The following TXNDC11 variants were observed in gnomAD, a reference collection of about 807,000 sequenced individuals.
The protein encoded by TXNDC11 is thioredoxin domain-containing protein 11.
Under a neutral mutation model 78.0 loss-of-function variants are expected in TXNDC11, and 68 were observed. The observed-to-expected ratio is 0.87, with a 90% CI of 0.72 to 1.07. The LOEUF is 1.07. Ranked by LOEUF, TXNDC11 falls within the 50% of genes least tolerant of loss-of-function variation. The pLI, the probability that TXNDC11 is intolerant of heterozygous loss-of-function variation, is 0.00. For synonymous variants in TXNDC11, 571 were observed against 495.2 expected (o/e 1.15, Z -2.03); for missense variants, 1,389 against 1,221.8 (o/e 1.14, Z -2.04).
intron 8 of TXNDC11, 148 bp from the exon 9 acceptor site, chr16:11,688,593 G>A (rs2050628599): frequency 1.5e-6 from 1 of 647,670 alleles, no homozygotes; most frequent in Admixed American, 3.1e-5. Context: ...CCCAAACAAA[G>A]CTGCCCGGGT....
chr16:11,681,603 C>T (rs934368812), intron 11 of TXNDC11, among the ~76,000 whole-genome samples: 2 of 152,162 alleles, frequency 1.3e-5, no homozygotes, highest in Admixed American at 6.5e-5. Flanking sequence ...CAGGGCACAC[C>T]TCTAAAAAAC....
At chr16:11,720,741 T>G (rs1006028969) in intron 5 of TXNDC11, among the ~76,000 whole-genome samples, 2 of 143,386 alleles carry the variant, frequency 1.4e-5, no homozygotes, top group African/African-American at 2.6e-5. Flanking sequence ...ATATATATGG[T>G]TTTTTTTTTT....
chr16:11,697,268 T>G lies in TXNDC11; in HGVS notation c.1107+857A>C, dbSNP rs542784873. On this transcript the variant is annotated intron_variant, in intron 7 of 11. Coordinates refer to ENST00000283033, the MANE Select transcript of TXNDC11 (RefSeq NM_015914.7). Reference sequence around the variant, plus strand: ...ACCTGGGCGAGAAGTCCTGCCTCCCTGTCCCTCCAGGCAGGAGGCCAGGCC... The same window carrying G: ...ACCTGGGCGAGAAGTCCTGCCTCCCGGTCCCTCCAGGCAGGAGGCCAGGCC... Among the ~76,000 whole-genome samples the G allele has an allele frequency of 4.3e-4, 66 of 152,320 alleles. 1 individual carries two copies. Among genetic ancestry groups the G allele is most frequent in the African/African-American group, 1.5e-3 (64 of 41,586 alleles).
intron 5 of TXNDC11, among the ~76,000 whole-genome samples, chr16:11,714,927 T>C (rs755917674): frequency 2.7e-4 from 41 of 151,986 alleles, no homozygotes; most frequent in Admixed American, 1.0e-3. Context: ...CCAAAGGTGG[T>C]AGAAGGGAGT....
chr16:11,708,050 C>G (rs933827675), intron 5 of TXNDC11, among the ~76,000 whole-genome samples: 7 of 152,054 alleles, frequency 4.6e-5, no homozygotes, highest in Non-Finnish European at 1.0e-4. Context: ...CACCACTGCA[C>G]TCCAGCCTGG....
chr16:11,714,608 C>G (rs1425910459), intron 5 of TXNDC11, among the ~76,000 whole-genome samples: 2 of 151,558 alleles, frequency 1.3e-5, no homozygotes, highest in Non-Finnish European at 2.9e-5. Context: ...CGGCTGCACT[C>G]CAGCCTGGGC....
At chr16:11,720,606 G>A (rs1465271829) in intron 5 of TXNDC11, among the ~76,000 whole-genome samples, 3 of 151,904 alleles carry the variant, frequency 2.0e-5, no homozygotes, top group South Asian at 2.1e-4. Flanking sequence ...TAGTAGAGAC[G>A]GGGTTTCGTC....
Position 11,734,030 on chromosome 16 carries a change from T to G in TXNDC11, c.521A>C (p.Lys174Thr). Residue 174 changes from lysine to threonine, a missense_variant, in exon 3 of 12, where the codon AAA becomes ACA. Transcript: ENST00000283033. ...AGGAAAATAAAAGAAGTGTTTCTGT[T>G]TTCTGCATTTCCCCTGGTTCCACCA... The part of the protein sequence containing the change: ...NCWWNQGKCR[K>T]QKHFFYFPVI... The G allele has an allele frequency of 6.2e-7, 1 of 1,605,608 alleles. No homozygotes were observed. Among genetic ancestry groups the G allele is most frequent in the Non-Finnish European group, 8.5e-7 (1 of 1,178,332 alleles).
rs749556398 is a variant in TXNDC11, at chr16:11,679,856, G to A, written c.2235-19C>T. On this transcript the variant is annotated intron_variant, in intron 11 of 11. Transcript: ENST00000283033. This position sits in a 1 kb window ranked among gnomAD's most constrained non-coding sequence, Gnocchi z 4.6. Reference sequence around the variant, plus strand: ...GTCCTTTCTGGAGAGAGAGGGAAAGGAAGCAAAGACAGGAGTCACACCAAC... The same window carrying A: ...GTCCTTTCTGGAGAGAGAGGGAAAGAAAGCAAAGACAGGAGTCACACCAAC... 6.3e-7 allele frequency: 1 copy of A among 1,594,510 alleles called. No individual in the cohort carries two copies. The highest frequency in any genetic ancestry group is 8.6e-7 in the Non-Finnish European group (1 of 1,167,412).
chr16:11,742,355 C>A lies in TXNDC11; in HGVS notation c.254+122G>T, dbSNP rs1453076208. ...GCCGCAGGTTCCGGGAGGGGTCAGC[C>A]GTCCTGGGCAAGGTCAGGCCCGACT... is the stretch of plus-strand genomic sequence containing the variant. On this transcript the variant is annotated intron_variant, in intron 1 of 11. Coordinates refer to ENST00000283033, the MANE Select transcript of TXNDC11 (RefSeq NM_015914.7). 1.5e-5 allele frequency: 11 copies of A among 755,564 alleles called. No individual in the cohort carries two copies. In the East Asian group the frequency reaches 3.8e-4, roughly 26 times the overall value. The allele number at this position is 755,564 out of a possible 1,614,324, so 46.8% of individuals were successfully genotyped here.
chr16:11,716,724 T>C (rs1356839554), intron 5 of TXNDC11, among the ~76,000 whole-genome samples: 1 of 152,202 alleles, frequency 6.6e-6, no homozygotes, highest in Non-Finnish European at 1.5e-5. Context: ...TTTAACATAA[T>C]TTCAACAAAA....
chr16:11,742,013 C>G (rs970821753), intron 1 of TXNDC11: 2 of 154,832 alleles, frequency 1.3e-5, no homozygotes, highest in African/African-American at 4.8e-5. Context: ...GCCTGGGACA[C>G]AATGCGTGAC....
chr16:11,679,518 G>A lies in TXNDC11; in HGVS notation c.2554C>T (p.Leu852Phe). The A allele has an allele frequency of 6.2e-6, 10 of 1,613,348 alleles. No homozygotes were observed. Among genetic ancestry groups the A allele is most frequent in the Non-Finnish European group, 8.5e-6 (10 of 1,180,030 alleles). The change falls in exon 12 of 12, where the codon CTC (leucine) becomes TTC (phenylalanine). Residue 852 changes from leucine (L) to phenylalanine (F), a missense_variant. By Grantham distance (22) the Leu-to-Phe change is conservative. Coordinates refer to ENST00000283033, the MANE Select transcript of TXNDC11 (RefSeq NM_015914.7). The surrounding 1 kb of genome is among the most constrained non-coding windows in gnomAD (Gnocchi z 4.6). Reference protein sequence around the residue: ...QRALEEQHSLLHAHSEQLQAL... With the variant: ...QRALEEQHSLFHAHSEQLQAL... Reference sequence around the variant, plus strand: ...TGCAGCTGCTCACTGTGTGCGTGGAGCAGGCTGTGCTGCTCTTCCAGGGCC... The same window carrying A: ...TGCAGCTGCTCACTGTGTGCGTGGAACAGGCTGTGCTGCTCTTCCAGGGCC...
At chr16:11,682,557 T>G (rs1223546095) in intron 11 of TXNDC11, among the ~76,000 whole-genome samples, 1 of 152,212 alleles carries the variant, frequency 6.6e-6, no homozygotes, top group African/African-American at 2.4e-5. Context: ...GATGCATTTC[T>G]GCCAGCTGCT....
chr16:11,679,404 C>T lies in TXNDC11; in HGVS notation c.2668G>A (p.Glu890Lys), dbSNP rs1178197263. ...LADASENLLT[E>K]NTWLKILVAT... ...ACCAGGATCTTGAGCCACGTGTTCT[C>T]GGTAAGGAGGTTTTCTGAGGCATCG... Residue 890 changes from glutamate to lysine, a missense_variant, in exon 12 of 12, where the codon GAG becomes AAG. By Grantham distance (56) the Glu-to-Lys change is moderately conservative. Transcript: ENST00000283033. The surrounding 1 kb of genome is among the most constrained non-coding windows in gnomAD (Gnocchi z 4.6). The T allele has an allele frequency of 3.7e-6, 6 of 1,612,716 alleles. No individual in the cohort carries two copies. The highest frequency in any genetic ancestry group is 1.7e-5 in the Admixed American group (1 of 59,756).
rs2051708209 is a variant in TXNDC11, at chr16:11,721,572, T to C, written c.793+5A>G. On this transcript the variant is annotated splice_donor_5th_base_variant and intron_variant, in intron 5 of 11. Coordinates refer to ENST00000283033, the MANE Select transcript of TXNDC11 (RefSeq NM_015914.7). ...AACAATGTCTTAATATGAATCATTT[T>C]TTACCTTTCTTTAATGAATGTAATG... 6 of 1,568,624 alleles carry C rather than the reference T, an allele frequency of 3.8e-6. No homozygotes were observed. The highest frequency in any genetic ancestry group is 5.3e-6 in the Non-Finnish European group (6 of 1,141,456).
rs944846354 is a variant in TXNDC11, at chr16:11,696,823, C to T, written c.1107+1302G>A. 6.0e-4 allele frequency among the ~76,000 whole-genome samples: 92 copies of T among 152,246 alleles called. 1 individual carries two copies. The highest frequency in any genetic ancestry group is 2.0e-3 in the African/African-American group (85 of 41,548). On this transcript the variant is annotated intron_variant, in intron 7 of 11. Transcript: ENST00000283033. ...AGTCTTCCCACCAGGTGCCTAAATC[C>T]AACCACAACCCTCTGGGCAGAGGCT...
Position 11,691,623 on chromosome 16 carries a change from CAG to C in TXNDC11, c.1565_1566del (p.Ser522Ter), listed in dbSNP as rs2050717442. 6.2e-7 allele frequency: 1 copy of C among 1,614,072 alleles called. No individual in the cohort carries two copies. Among genetic ancestry groups the C allele is most frequent in the Admixed American group, 1.7e-5 (1 of 60,010 alleles). On this transcript the variant is annotated frameshift_variant, in exon 8 of 12. Coordinates refer to ENST00000283033, the MANE Select transcript of TXNDC11 (RefSeq NM_015914.7). LOFTEE classifies it high-confidence loss of function. ...ISRGVSGFIDSEQGVFEAPTV... is the reference protein window; with the variant it reads ...ISRGVSGFIDXEQGVFEAPTV... The stretch of plus-strand genomic sequence containing the variant: ...GTAGGGGCTTCAAAGACACCTTGTT[CAG>C]AGTCGATGAAGCCTGACACACCCCT...
At position 11,679,350 on chromosome 16, in the gene TXNDC11, T is replaced by C; in HGVS notation, c.2722A>G (p.Arg908Gly). The change falls in exon 12 of 12, where the codon AGG (arginine) becomes GGG (glycine). Residue 908 changes from arginine to glycine, a missense_variant. Arg to Gly is a moderately radical substitution (Grantham distance 125). Transcript: ENST00000283033. This position sits in a 1 kb window ranked among gnomAD's most constrained non-coding sequence, Gnocchi z 4.6. ...VATMERKLEG[R>G]DGAESLAAQR... ...GCCGCCAGGCTTTCAGCTCCATCCC[T>C]GCCCTCCAGTTTCCTCTCCATGGTC... The C allele has an allele frequency of 6.2e-7, 1 of 1,612,162 alleles. No homozygotes were observed. The highest frequency in any genetic ancestry group is 1.3e-5 in the African/African-American group (1 of 74,870).
Sources: gnomAD v4.1 joint callset for allele counts (sites outside exome capture counted in the v4.1 genomes callset) on GRCh38, gnomAD v4.1.1 for gene constraint, Gnocchi (gnomAD v3.1) non-coding constraint, MANE v1.5 for transcripts, NCBI Gene and HGNC (gene_info 2026-07-23, HGNC 2026-07-21) for gene names.